The following RASGEF1C variants were observed in gnomAD, a reference collection of about 807,000 sequenced individuals.
RASGEF1C encodes ras-GEF domain-containing family member 1C.
RASGEF1C carries 27 observed loss-of-function variants against 58.1 expected under a neutral mutation model. That is an observed-to-expected ratio of 0.46 (90% CI 0.34 to 0.64). RASGEF1C has a LOEUF of 0.64. Among genes scored for constraint, RASGEF1C ranks in the 30% least tolerant of loss-of-function variants. The pLI is 0.01. For missense variants in RASGEF1C, 502 were observed against 605.1 expected, an observed-to-expected ratio of 0.83 and a Z score of 1.79; for synonymous variants, 243 against 246.3, an observed-to-expected ratio of 0.99 and a Z score of 0.13.
chr5:180,169,729 C>G (rs989320693), intron 1 of RASGEF1C, among the ~76,000 whole-genome samples: 6 of 152,084 alleles, frequency 3.9e-5, no homozygotes, highest in African/African-American at 1.4e-4. Flanking sequence ...TCATTGGCTA[C>G]GTCACACAAC....
At chr5:180,147,924 T>G (rs74629506) in intron 1 of RASGEF1C, among the ~76,000 whole-genome samples, 2,756 of 152,310 alleles carry the variant, frequency 0.018, 81 homozygotes, top group African/African-American at 0.061. Context: ...TGGGAAAGCA[T>G]TAGACTGGAG....
intron 1 of RASGEF1C, among the ~76,000 whole-genome samples, chr5:180,201,841 C>T (rs947735419): frequency 6.6e-5 from 10 of 152,170 alleles, no homozygotes; most frequent in African/African-American, 1.9e-4. Context: ...CATGTGAGGG[C>T]GTGAGGAGAG....
intron 1 of RASGEF1C, among the ~76,000 whole-genome samples, chr5:180,189,189 A>G (rs1161210153): frequency 1.3e-5 from 2 of 152,250 alleles, no homozygotes; most frequent in African/African-American, 2.4e-5. Flanking sequence ...AACACTATTT[A>G]CACTACATAA....
rs956870735 is a variant in RASGEF1C at position 180,177,242 on chromosome 5, T to G, written c.-7+31786A>C. On this transcript the variant is annotated intron_variant, in intron 1 of 13. Transcript: ENST00000361132. This position sits in a 1 kb window ranked among gnomAD's most constrained non-coding sequence, Gnocchi z 5.0. ...TTCAAACCATGTGCACATCAGCCCC[T>G]CAGCCCCGAAGCCAGGGGCTGCTTT... Among the ~76,000 whole-genome samples, 3 of 152,098 alleles carry G rather than the reference T, an allele frequency of 2.0e-5. No homozygotes were observed. Among genetic ancestry groups the G allele is most frequent in the Non-Finnish European group, 4.4e-5 (3 of 68,008 alleles).
At chr5:180,141,019 G>A (rs913841537) in intron 1 of RASGEF1C, among the ~76,000 whole-genome samples, 1 of 152,234 alleles carries the variant, frequency 6.6e-6, no homozygotes, top group African/African-American at 2.4e-5. Flanking sequence ...GCCATGTAAC[G>A]AGGGTCCCTC....
At chr5:180,153,833 T>C (rs1384108206) in intron 1 of RASGEF1C, among the ~76,000 whole-genome samples, 1 of 152,150 alleles carries the variant, frequency 6.6e-6, no homozygotes, top group Non-Finnish European at 1.5e-5. Context: ...AGAATAAGTA[T>C]CTTATATTGC....
chr5:180,190,351 G>C (rs554350824), intron 1 of RASGEF1C, among the ~76,000 whole-genome samples: 4 of 151,610 alleles, frequency 2.6e-5, no homozygotes, highest in Admixed American at 6.6e-5. Flanking sequence ...TTAGCCGGGC[G>C]TGGTGGCGGG....
rs868675825 is a variant in RASGEF1C, at chr5:180,170,632, C to T, written c.-6-32574G>A. ...GTCACCATCTGGTTTCCTCTTTCAT[C>T]GAACCTTCCGGAGGTCCCTGTGGCA... On this transcript the variant is annotated intron_variant, in intron 1 of 13. Coordinates refer to ENST00000361132, the MANE Select transcript of RASGEF1C (RefSeq NM_175062.4). Among the ~76,000 whole-genome samples, 13 of 152,170 alleles carry T rather than the reference C, an allele frequency of 8.5e-5. No homozygotes were observed. In the South Asian group the frequency reaches 2.1e-3, roughly 24 times the overall value.
At chr5:180,151,752 A>T (rs1327041067) in intron 1 of RASGEF1C, among the ~76,000 whole-genome samples, 2 of 152,050 alleles carry the variant, frequency 1.3e-5, no homozygotes, top group Non-Finnish European at 2.9e-5. Context: ...TCTGCACAGC[A>T]AAAGAAACTA....
At chr5:180,152,211 A>G (rs1455699959) in intron 1 of RASGEF1C, among the ~76,000 whole-genome samples, 3 of 152,118 alleles carry the variant, frequency 2.0e-5, no homozygotes, top group African/African-American at 7.2e-5. Flanking sequence ...CAGCCATCCC[A>G]TTACTGGGTA....
intron 1 of RASGEF1C, among the ~76,000 whole-genome samples, chr5:180,161,668 C>A (rs1034212380): frequency 6.6e-6 from 1 of 152,260 alleles, no homozygotes; most frequent in Non-Finnish European, 1.5e-5. Flanking sequence ...GCCTCCCCAG[C>A]CCCGCGGCTC....
At chr5:180,103,449 G>A (rs1395318137) in intron 12 of RASGEF1C, among the ~76,000 whole-genome samples, 1 of 152,198 alleles carries the variant, frequency 6.6e-6, no homozygotes, top group African/African-American at 2.4e-5. Context: ...TTTCATGTGA[G>A]TGACTGTAAA....
At chr5:180,186,958 C>A (rs1402333417) in intron 1 of RASGEF1C, among the ~76,000 whole-genome samples, 1 of 152,056 alleles carries the variant, frequency 6.6e-6, no homozygotes, top group Non-Finnish European at 1.5e-5. Flanking sequence ...AACAAACAAA[C>A]AAACAAACAA....
intron 1 of RASGEF1C, among the ~76,000 whole-genome samples, chr5:180,154,863 G>A (rs1484814013): frequency 2.6e-5 from 4 of 152,168 alleles, no homozygotes; most frequent in Non-Finnish European, 5.9e-5. Context: ...TTACAGGCAT[G>A]AGCCACCACG....
intron 8 of RASGEF1C, 124 bp from the exon 9 acceptor site, chr5:180,118,990 T>C: frequency 1.1e-6 from 1 of 877,136 alleles, no homozygotes; most frequent in East Asian, 2.6e-5. Context: ...TGTCACATGG[T>C]GGGTGGGTGA....
At chr5:180,199,087 C>T in intron 1 of RASGEF1C, among the ~76,000 whole-genome samples, 1 of 152,138 alleles carries the variant, frequency 6.6e-6, no homozygotes, top group South Asian at 2.1e-4. Flanking sequence ...CCCCCACCTG[C>T]CACCCCCTGC....
rs1766858714 is a variant in RASGEF1C at position 180,156,891 on chromosome 5, A to G, written c.-6-18833T>C. On this transcript the variant is annotated intron_variant, in intron 1 of 13. Transcript: ENST00000361132. The surrounding 1 kb of genome is among the most constrained non-coding windows in gnomAD (Gnocchi z 4.9). Reference sequence around the variant, plus strand: ...TAACAGGCACCTGACCAAAGAAGATATAAGACGGAAAATAAGCATTTACAA... The same window carrying G: ...TAACAGGCACCTGACCAAAGAAGATGTAAGACGGAAAATAAGCATTTACAA... Among the ~76,000 whole-genome samples, 1 of 152,252 alleles carries G rather than the reference A, an allele frequency of 6.6e-6. No individual in the cohort carries two copies. Among genetic ancestry groups the G allele is most frequent in the South Asian group, 2.1e-4 (1 of 4,834 alleles).
intron 12 of RASGEF1C, among the ~76,000 whole-genome samples, chr5:180,111,234 G>C (rs1228214443): frequency 6.6e-6 from 1 of 152,168 alleles, no homozygotes; most frequent in East Asian, 1.9e-4. Context: ...GGCCCCGGGG[G>C]TCCTTGAGGC....
chr5:180,194,383 G>C (rs1756227051), intron 1 of RASGEF1C, among the ~76,000 whole-genome samples: 1 of 152,166 alleles, frequency 6.6e-6, no homozygotes, highest in Non-Finnish European at 1.5e-5. Context: ...TTTCAAGAAC[G>C]GTGACATGCA....
Sources: gnomAD v4.1 joint callset for allele counts (sites outside exome capture counted in the v4.1 genomes callset) on GRCh38, gnomAD v4.1.1 for gene constraint, Gnocchi (gnomAD v3.1) non-coding constraint, MANE v1.5 for transcripts, NCBI Gene and HGNC (gene_info 2026-07-23, HGNC 2026-07-21) for gene names.